NBEAL1: variants seen among roughly 807,000 people sequenced by gnomAD.
NBEAL1 encodes neurobeachin like 1, also known as neurobeachin-like protein 1.
In NBEAL1, 273 loss-of-function variants were observed where a neutral mutation model predicts 351.3. That is an observed-to-expected ratio of 0.78 (90% CI 0.70 to 0.86). The LOEUF (loss-of-function observed/expected upper bound fraction) is 0.86, where lower values mean the gene tolerates loss of function less well. Ranked by LOEUF, NBEAL1 falls within the 40% of genes least tolerant of loss-of-function variation. NBEAL1 has a pLI of 0.00. For missense variants in NBEAL1, 2,961 were observed against 3,201.3 expected, an observed-to-expected ratio of 0.92 and a Z score of 1.81; for synonymous variants, 1,050 against 1,086.4, an observed-to-expected ratio of 0.97 and a Z score of 0.66.
At chr2:203,120,064 C>CT (rs1421647281) in intron 18 of NBEAL1, among the ~76,000 whole-genome samples, 1 of 152,122 alleles carries the variant, frequency 6.6e-6, no homozygotes, top group Non-Finnish European at 1.5e-5. Context: ...CTGTAAGAAG[C>CT]TTACAATCTA....
At chr2:203,119,719 C>T (rs2062787515) in intron 18 of NBEAL1, among the ~76,000 whole-genome samples, 1 of 152,132 alleles carries the variant, frequency 6.6e-6, no homozygotes, top group Non-Finnish European at 1.5e-5. Flanking sequence ...AGCCACCGTG[C>T]CCGGCCCAGT....
At position 203,210,958 on chromosome 2, in the gene NBEAL1, G is replaced by T. The variant is rs2065771551; in HGVS notation, c.7786G>T (p.Asp2596Tyr). The T allele has an allele frequency of 2.6e-6, 4 of 1,559,460 alleles. No homozygotes were observed. ...SSTEEKTTLK[D>Y]KNALHLFSIN... ...TTGAATTTTCCTTAATTCTTTTCAG[G>T]ATAAGAATGCATTACATCTGTTTTC... The change falls in exon 54 of 56, where the codon GAT becomes TAT. Residue 2596 changes from aspartate to tyrosine, a missense_variant and splice_region_variant. Physicochemically the swap from Asp to Tyr is radical, Grantham distance 160 (BLOSUM62 -3). Transcript: ENST00000683969.
At chr2:203,108,597 G>T (rs764961557) in intron 14 of NBEAL1, among the ~76,000 whole-genome samples, 1 of 151,960 alleles carries the variant, frequency 6.6e-6, no homozygotes. Flanking sequence ...TAGAGATGGG[G>T]TTTCACCGTG....
At chr2:203,019,868 A>G (rs1299395366) in intron 2 of NBEAL1, among the ~76,000 whole-genome samples, 2 of 152,204 alleles carry the variant, frequency 1.3e-5, no homozygotes, top group African/African-American at 4.8e-5. Flanking sequence ...AATACTAGTG[A>G]CTAAAGTCCT....
chr2:203,145,218 T>G (rs546177523), intron 33 of NBEAL1, 58 bp downstream of exon 33: 2 of 1,479,064 alleles, frequency 1.4e-6, no homozygotes, highest in African/African-American at 2.8e-5. Context: ...CATTTAATAT[T>G]GATTAAGAGT....
chr2:203,095,679 G>C (rs1020580445), intron 10 of NBEAL1, among the ~76,000 whole-genome samples: 2 of 152,140 alleles, frequency 1.3e-5, no homozygotes, highest in African/African-American at 2.4e-5. Context: ...AGTTTTATCT[G>C]ACTATTTGTT....
chr2:203,174,079 T>A (rs1007312578), intron 41 of NBEAL1, among the ~76,000 whole-genome samples: 4 of 151,594 alleles, frequency 2.6e-5, no homozygotes, highest in Non-Finnish European at 4.4e-5. Flanking sequence ...CTTTTTCCTA[T>A]CCACCATCTC....
chr2:203,103,444 G>A (rs1219312525), intron 12 of NBEAL1, among the ~76,000 whole-genome samples: 6 of 151,936 alleles, frequency 3.9e-5, no homozygotes, highest in Non-Finnish European at 7.4e-5. Flanking sequence ...GCTAATTTTC[G>A]TATTTTTAGT....
chr2:203,209,711 A>ATCTGTGTGTG (rs1491566182), intron 53 of NBEAL1, among the ~76,000 whole-genome samples: 1 of 32,944 alleles, frequency 3.0e-5, no homozygotes, highest in South Asian at 1.6e-3. Flanking sequence ...TATTTAATTA[A>ATCTGTGTGTG]TATGTGTGTG....
chr2:203,126,836 A>G lies in NBEAL1; in HGVS notation c.3158A>G (p.Tyr1053Cys), dbSNP rs1006725256. The change falls in exon 23 of 56, where the codon TAT (tyrosine) becomes TGT (cysteine). Residue 1053 changes from tyrosine (Y) to cysteine (C), a missense_variant. Physicochemically the swap from Tyr to Cys is radical, Grantham distance 194. Coordinates refer to ENST00000683969, the MANE Select transcript of NBEAL1 (RefSeq NM_001378026.1). Reference sequence around the variant, plus strand: ...CTTTTTATTTTAGGTCACATACAGTATCTTTCAACCATCATTAAAGACAGC... The same window carrying G: ...CTTTTTATTTTAGGTCACATACAGTGTCTTTCAACCATCATTAAAGACAGC... ...DFPFRIGHIQYLSTIIKDSRR... is the reference protein window; with the variant it reads ...DFPFRIGHIQCLSTIIKDSRR... 7.7e-6 allele frequency: 12 copies of G among 1,551,980 alleles called. No homozygotes were observed. The highest frequency in any genetic ancestry group is 2.4e-5 in the East Asian group (1 of 41,208).
chr2:203,066,542 C>T (rs554602351), intron 6 of NBEAL1, among the ~76,000 whole-genome samples: 9 of 152,198 alleles, frequency 5.9e-5, no homozygotes, highest in East Asian at 3.9e-4. Context: ...CTTTTCTTTT[C>T]GACAAAACCG....
intron 10 of NBEAL1, chr2:203,085,676 T>C (rs1313074326): frequency 6.6e-6 from 1 of 152,176 alleles, no homozygotes; most frequent in Non-Finnish European, 1.5e-5. Flanking sequence ...TAAATAAAAT[T>C]CATAAATGAT....
At chr2:203,189,055 G>A (rs1276564215) in intron 45 of NBEAL1, among the ~76,000 whole-genome samples, 1 of 152,216 alleles carries the variant, frequency 6.6e-6, no homozygotes. Flanking sequence ...TGAATAGTGT[G>A]AAGTTATGAG....
intron 18 of NBEAL1, among the ~76,000 whole-genome samples, chr2:203,118,268 A>C (rs2062745416): frequency 6.6e-6 from 1 of 152,164 alleles, no homozygotes; most frequent in Non-Finnish European, 1.5e-5. Flanking sequence ...TACCTAAGAA[A>C]ATGGCCCATA....
At chr2:203,122,388 G>A (rs1439945804) in intron 19 of NBEAL1, 45 bp downstream of exon 19, 1 of 1,185,378 alleles carries the variant, frequency 8.4e-7, no homozygotes, top group Middle Eastern at 1.9e-4. Flanking sequence ...ATAATTTACT[G>A]ATACTCTTAT....
At chr2:203,207,039 A>G (rs376334349) in intron 51 of NBEAL1, among the ~76,000 whole-genome samples, 1 of 145,626 alleles carries the variant, frequency 6.9e-6, no homozygotes, top group Admixed American at 6.9e-5. Context: ...GCCGCCCATC[A>G]TCTGAGATGT....
At chr2:203,092,737 A>G (rs1030037592) in intron 10 of NBEAL1, among the ~76,000 whole-genome samples, 5 of 152,182 alleles carry the variant, frequency 3.3e-5, no homozygotes, top group Admixed American at 6.5e-5. Flanking sequence ...GGTTAATTCT[A>G]TGAGAGTAAT....
At chr2:203,066,107 G>A (rs1187584625) in intron 6 of NBEAL1, among the ~76,000 whole-genome samples, 2 of 152,142 alleles carry the variant, frequency 1.3e-5, no homozygotes, top group African/African-American at 4.8e-5. Flanking sequence ...ATGTTCATAT[G>A]TTACATCTAA....
At chr2:203,173,154 A>C (rs1294131654) in intron 41 of NBEAL1, among the ~76,000 whole-genome samples, 2 of 152,112 alleles carry the variant, frequency 1.3e-5, no homozygotes, top group Non-Finnish European at 2.9e-5. Flanking sequence ...TTTTCTTCCC[A>C]GATGTTTTAA....
Sources: allele counts gnomAD v4.1 joint callset (sites outside exome capture counted in the v4.1 genomes callset), GRCh38; gene constraint gnomAD v4.1.1; transcripts MANE v1.5; gene names NCBI Gene and HGNC (gene_info 2026-07-23, HGNC 2026-07-21).